Variants in CNBD1 observed in about 807,000 individuals in gnomAD.
CNBD1 encodes the protein cyclic nucleotide binding domain containing 1, also known as cyclic nucleotide-binding domain-containing protein 1.
Under a neutral mutation model 54.4 loss-of-function variants are expected in CNBD1, and 71 were observed. The ratio of observed to expected loss-of-function variants is 1.30; its 90% CI spans 1.08 to 1.59. The LOEUF is 1.59. Ranked by LOEUF, CNBD1 falls within the 40% of genes most tolerant of loss-of-function variation. CNBD1 has a pLI of 0.00. For synonymous variants in CNBD1, 182 were observed against 170.7 expected (o/e 1.07, Z -0.51); for missense variants, 659 against 518.0 (o/e 1.27, Z -2.64).
intron 4 of CNBD1, among the ~76,000 whole-genome samples, chr8:86,940,132 C>CTTTTTTTTTTTTTTTTTTTTTTTT (rs10671983): frequency 6.8e-5 from 6 of 88,732 alleles, no homozygotes; most frequent in African/African-American, 2.3e-4. Context: ...CCACATGTTA[C>CTTTTTTTTTTTTTTTTTTTTTTTT]TTTTTTTTTT....
At chr8:87,321,205 T>A (rs1307368425) in intron 8 of CNBD1, among the ~76,000 whole-genome samples, 3 of 149,488 alleles carry the variant, frequency 2.0e-5, no homozygotes, top group South Asian at 2.1e-4. Flanking sequence ...GAAGTAAGAA[T>A]GCTGAATCAC....
At chr8:86,945,883 G>A (rs910764525) in intron 4 of CNBD1, among the ~76,000 whole-genome samples, 9 of 152,156 alleles carry the variant, frequency 5.9e-5, no homozygotes, top group African/African-American at 1.7e-4. Flanking sequence ...TTCTGTCTGC[G>A]GCAGCTAGAT....
chr8:86,995,277 C>G (rs1037800416), intron 4 of CNBD1, among the ~76,000 whole-genome samples: 5 of 152,138 alleles, frequency 3.3e-5, no homozygotes, highest in Non-Finnish European at 7.4e-5. Flanking sequence ...AAACCATGAA[C>G]CAGGGGCAGG....
intron 2 of CNBD1, among the ~76,000 whole-genome samples, chr8:87,408,289 T>C (rs993821792): frequency 3.9e-5 from 6 of 152,076 alleles, no homozygotes; most frequent in Admixed American, 3.9e-4. Context: ...TTTCTTCTTA[T>C]GCTTCAAACT....
At chr8:87,111,263 A>C (rs1042058448) in intron 4 of CNBD1, among the ~76,000 whole-genome samples, 5 of 152,192 alleles carry the variant, frequency 3.3e-5, no homozygotes, top group Non-Finnish European at 5.9e-5. Context: ...CTGTACATTC[A>C]GGGACTGGGG....
intron 10 of CNBD1, among the ~76,000 whole-genome samples, chr8:87,358,328 A>G (rs1810460486): frequency 6.6e-6 from 1 of 152,218 alleles, no homozygotes; most frequent in Non-Finnish European, 1.5e-5. Flanking sequence ...ACATTTGTTA[A>G]TTTTATTTTC....
At chr8:86,932,682 G>A (rs1484619058) in intron 3 of CNBD1, among the ~76,000 whole-genome samples, 1 of 151,702 alleles carries the variant, frequency 6.6e-6, no homozygotes, top group African/African-American at 2.4e-5. Flanking sequence ...GAATATTGGG[G>A]CCAGGCCATA....
At chr8:87,334,710 T>C (rs1312326746) in intron 8 of CNBD1, among the ~76,000 whole-genome samples, 2 of 144,628 alleles carry the variant, frequency 1.4e-5, no homozygotes, top group Non-Finnish European at 3.0e-5. Flanking sequence ...TTCTTTTCTT[T>C]TCTTTTTTCT....
At chr8:87,358,894 T>G (rs1404891691) in intron 10 of CNBD1, among the ~76,000 whole-genome samples, 1 of 152,150 alleles carries the variant, frequency 6.6e-6, no homozygotes, top group Non-Finnish European at 1.5e-5. Flanking sequence ...GAAGAAGAGA[T>G]AGACAGAATT....
At chr8:87,328,712 A>C (rs1439326763) in intron 8 of CNBD1, among the ~76,000 whole-genome samples, 1 of 152,152 alleles carries the variant, frequency 6.6e-6, no homozygotes, top group Non-Finnish European at 1.5e-5. Context: ...ACATTTTAAC[A>C]AGACTAAGTC....
chr8:87,268,932 T>G (rs761919478), intron 6 of CNBD1, among the ~76,000 whole-genome samples: 1 of 152,108 alleles, frequency 6.6e-6, no homozygotes, highest in African/African-American at 2.4e-5. Flanking sequence ...CTTAATTAGG[T>G]CCTACTTGTC....
chr8:87,239,144 T>G (rs895526807), intron 6 of CNBD1, among the ~76,000 whole-genome samples: 3 of 152,180 alleles, frequency 2.0e-5, no homozygotes, highest in African/African-American at 7.2e-5. Flanking sequence ...TTAATAAAAT[T>G]TTTTGAAAAA....
At chr8:87,011,424 T>C (rs1005473265) in intron 4 of CNBD1, among the ~76,000 whole-genome samples, 3 of 152,192 alleles carry the variant, frequency 2.0e-5, no homozygotes, top group African/African-American at 7.2e-5. Flanking sequence ...TTGGTTGTGT[T>C]TGATACATTC....
At chr8:87,308,825 G>T (rs1278384650) in intron 8 of CNBD1, among the ~76,000 whole-genome samples, 5 of 151,918 alleles carry the variant, frequency 3.3e-5, no homozygotes, top group African/African-American at 7.3e-5. Flanking sequence ...CCCACAAATG[G>T]GTGAGAACAT....
At chr8:87,302,967 C>T (rs1423295253) in intron 8 of CNBD1, among the ~76,000 whole-genome samples, 1 of 151,586 alleles carries the variant, frequency 6.6e-6, no homozygotes, top group South Asian at 2.1e-4. Flanking sequence ...CTACAAACCA[C>T]TGCTCAAGGA....
chr8:86,934,125 A>G (rs1809504159), intron 3 of CNBD1, among the ~76,000 whole-genome samples: 1 of 152,102 alleles, frequency 6.6e-6, no homozygotes, highest in African/African-American at 2.4e-5. Flanking sequence ...TTTATGTCTC[A>G]GCTTAAATCC....
At chr8:87,390,315 T>C (rs1333706698) in intron 2 of CNBD1, among the ~76,000 whole-genome samples, 1 of 152,060 alleles carries the variant, frequency 6.6e-6, no homozygotes, top group Non-Finnish European at 1.5e-5. Context: ...ACAGGCAACC[T>C]ACAGTATGGG....
intron 3 of CNBD1, among the ~76,000 whole-genome samples, chr8:86,934,052 T>G (rs1374970159): frequency 6.6e-6 from 1 of 152,182 alleles, no homozygotes; most frequent in Non-Finnish European, 1.5e-5. Context: ...AGAAGTTTAT[T>G]TTACAGGAGA....
At chr8:87,001,227 T>G (rs1808983583) in intron 4 of CNBD1, among the ~76,000 whole-genome samples, 1 of 152,140 alleles carries the variant, frequency 6.6e-6, no homozygotes, top group Non-Finnish European at 1.5e-5. Flanking sequence ...ATTAATTTGT[T>G]TTCTTAGGTC....
Sources: gnomAD v4.1 joint callset for allele counts (sites outside exome capture counted in the v4.1 genomes callset) on GRCh38, gnomAD v4.1.1 for gene constraint, MANE v1.5 for transcripts, NCBI Gene and HGNC (gene_info 2026-07-23, HGNC 2026-07-21) for gene names.